Variants in ANXA4 observed in about 807,000 individuals in gnomAD.
ANXA4 encodes the protein annexin A4.
Under a neutral mutation model 49.8 loss-of-function variants are expected in ANXA4, and 39 were observed. That is an observed-to-expected ratio of 0.78 (90% confidence interval 0.61 to 1.02). ANXA4 has a LOEUF of 1.02. ANXA4 is among the 50% of genes least tolerant of loss of function. The pLI, the probability that ANXA4 is intolerant of heterozygous loss-of-function variation, is 0.00. For synonymous variants in ANXA4, 134 were observed against 152.5 expected (o/e 0.88, Z 0.89); for missense variants, 360 against 410.1 (o/e 0.88, Z 1.05).
intron 3 of ANXA4, among the ~76,000 whole-genome samples, chr2:69,730,017 C>T (rs1399176303): frequency 1.3e-5 from 2 of 152,170 alleles, no homozygotes; most frequent in Non-Finnish European, 2.9e-5. Flanking sequence ...AGAGACCGTG[C>T]CCTTTATTCC....
chr2:69,751,838 A>T (rs886503947), intron 1 of ANXA4, among the ~76,000 whole-genome samples: 4 of 152,212 alleles, frequency 2.6e-5, no homozygotes, highest in Non-Finnish European at 5.9e-5. Context: ...GGTAGGCAGG[A>T]GGTCAGTGGC....
intron 7 of ANXA4, 30 bp downstream of exon 7, chr2:69,810,703 T>C: frequency 6.3e-7 from 1 of 1,584,752 alleles, no homozygotes; most frequent in South Asian, 1.1e-5. Flanking sequence ...GGGGGGCGGG[T>C]TTTATCGAAA....
intron 3 of ANXA4, among the ~76,000 whole-genome samples, chr2:69,733,857 A>AT (rs1559122323): frequency 1.3e-5 from 2 of 151,460 alleles, no homozygotes; most frequent in East Asian, 1.9e-4. Context: ...ATGTTCCCGA[A>AT]TTTTTTTTAC....
intron 1 of ANXA4, among the ~76,000 whole-genome samples, chr2:69,765,019 T>C (rs560552834): frequency 2.2e-4 from 33 of 152,178 alleles, no homozygotes; most frequent in Admixed American, 6.5e-5. Context: ...AGAATTTCCT[T>C]CCTCTGTAAG....
At position 69,664,074 on chromosome 2, in the gene ANXA4, ATC is replaced by A. The variant is rs1676842598; in HGVS notation, n.766+10793_766+10794del. Among the ~76,000 whole-genome samples, 6 of 152,218 alleles carry A rather than the reference ATC, an allele frequency of 3.9e-5. No individual in the cohort carries two copies. The South Asian group carries it at 1.2e-3, about 32-fold the overall frequency. On this transcript the variant is annotated intron_variant and non_coding_transcript_variant, in intron 2 of 3. Coordinates refer to the ANXA4 transcript ENST00000418066. ...GAGGAAATGAAGTTTCACTTAAAGA[ATC>A]CAGAATGAGAATGGCATCTGATTTC...
intron 3 of ANXA4, among the ~76,000 whole-genome samples, chr2:69,797,017 G>T (rs190988885): frequency 1.3e-5 from 2 of 152,198 alleles, no homozygotes; most frequent in Non-Finnish European, 1.5e-5. Context: ...TAAAATCAAG[G>T]TTCCCTTCAG....
At chr2:69,761,807 T>C (rs1256836011) in intron 1 of ANXA4, among the ~76,000 whole-genome samples, 1 of 151,116 alleles carries the variant, frequency 6.6e-6, no homozygotes, top group East Asian at 1.9e-4. Flanking sequence ...TTAAAATGTG[T>C]CCATAGCTAC....
rs1674345619 is a variant in ANXA4, at chr2:69,823,763, T to C, written c.907-1693T>C. ...AAGAAAACATATAATGGAATTAGTA[T>C]GCTAGCGAGAGACTTTAATACATCC... On this transcript the variant is annotated intron_variant, in intron 12 of 12. Transcript: ENST00000394295. 1.3e-5 allele frequency among the ~76,000 whole-genome samples: 2 copies of C among 152,234 alleles called. 1 individual carries two copies. Among genetic ancestry groups the C allele is most frequent in the South Asian group, 4.1e-4 (2 of 4,836 alleles).
At position 69,807,882 on chromosome 2, in the gene ANXA4, C is replaced by T. The variant is rs111370752; in HGVS notation, c.307-24C>T. 406 of 1,608,608 alleles carry T rather than the reference C, an allele frequency of 2.5e-4. 1 individual carries two copies. The African/African-American group carries it at 4.1e-3, about 16-fold the overall frequency. On this transcript the variant is annotated intron_variant, in intron 5 of 12. Coordinates refer to ENST00000394295, the MANE Select transcript of ANXA4 (RefSeq NM_001153.5). ...AGCTTTGTAAACTGGCTCATATAGC[C>T]CTGTCCTCTGGTTTCTTGTTTAGGG... is the stretch of plus-strand genomic sequence containing the variant.
intron 2 of ANXA4, among the ~76,000 whole-genome samples, chr2:69,687,960 ATACTT>A (rs1050392145): frequency 1.3e-5 from 2 of 152,238 alleles, no homozygotes; most frequent in Non-Finnish European, 2.9e-5. Context: ...TATACCCACA[ATACTT>A]TTATCACACT....
At chr2:69,810,830 ACT>A (rs746347960) in intron 7 of ANXA4, 157 bp downstream of exon 7, 3 of 620,398 alleles carry the variant, frequency 4.8e-6, no homozygotes, top group Non-Finnish European at 8.6e-6. Context: ...TCCTTCAGAG[ACT>A]CTGGCTAATC....
intron 1 of ANXA4, among the ~76,000 whole-genome samples, chr2:69,753,893 T>C (rs1027029272): frequency 2.0e-5 from 3 of 152,232 alleles, no homozygotes; most frequent in Admixed American, 2.0e-4. Flanking sequence ...TAACTGCTAC[T>C]ATCCCAATTT....
At chr2:69,689,284 T>C (rs1360039416) in intron 2 of ANXA4, among the ~76,000 whole-genome samples, 1 of 151,858 alleles carries the variant, frequency 6.6e-6, no homozygotes, top group African/African-American at 2.4e-5. Context: ...GAGAGGGTCT[T>C]ACTATTTTGC....
chr2:69,748,481 A>T (rs2105485242), intron 1 of ANXA4, among the ~76,000 whole-genome samples: 1 of 150,758 alleles, frequency 6.6e-6, no homozygotes, highest in Admixed American at 6.6e-5. Context: ...TTAATTTTAC[A>T]TTATATTAAT....
intron 2 of ANXA4, among the ~76,000 whole-genome samples, chr2:69,681,632 C>CA (rs1677605499): frequency 6.6e-6 from 1 of 152,054 alleles, no homozygotes; most frequent in Non-Finnish European, 1.5e-5. Context: ...GTGCCCGGCC[C>CA]ATTTCTGATT....
At chr2:69,687,690 G>A (rs1042611208) in intron 2 of ANXA4, among the ~76,000 whole-genome samples, 2 of 152,032 alleles carry the variant, frequency 1.3e-5, no homozygotes, top group Non-Finnish European at 2.9e-5. Flanking sequence ...TCTTGAAGAC[G>A]TCCCCCAAGT....
chr2:69,705,024 G>A (rs749817768), intron 2 of ANXA4, among the ~76,000 whole-genome samples: 5 of 152,078 alleles, frequency 3.3e-5, no homozygotes, highest in Non-Finnish European at 1.5e-5. Context: ...TTACTGATGG[G>A]CCTGTAATTC....
chr2:69,664,155 A>T (rs1272911382), intron 2 of ANXA4, among the ~76,000 whole-genome samples: 1 of 152,246 alleles, frequency 6.6e-6, no homozygotes, highest in African/African-American at 2.4e-5. Flanking sequence ...TTAAAATCTG[A>T]GGGAAAATAA....
At chr2:69,804,733 G>C in intron 4 of ANXA4, 106 bp downstream of exon 4, 1 of 992,384 alleles carries the variant, frequency 1.0e-6, no homozygotes, top group South Asian at 1.5e-5. Context: ...TTAAAAGATC[G>C]ATCCTTTGTC....
Sources: gnomAD v4.1 joint callset for allele counts (sites outside exome capture counted in the v4.1 genomes callset) on GRCh38, gnomAD v4.1.1 for gene constraint, MANE v1.5 for transcripts, NCBI Gene and HGNC (gene_info 2026-07-23, HGNC 2026-07-21) for gene names.